CCDC102A: variants seen among roughly 807,000 people sequenced by gnomAD.
CCDC102A encodes the protein coiled-coil domain containing 102A.
CCDC102A carries 40 observed loss-of-function variants against 55.5 expected under a neutral mutation model. That is an observed-to-expected ratio of 0.72 (90% CI 0.56 to 0.94). CCDC102A has a LOEUF of 0.94. CCDC102A is among the 40% of genes least tolerant of loss of function. The pLI is 0.00. For synonymous variants in CCDC102A, 323 were observed against 339.0 expected (o/e 0.95, Z 0.52); for missense variants, 779 against 768.6 (o/e 1.01, Z -0.16).
At chr16:57,515,514 G>T in intron 7 of CCDC102A, 70 bp from the exon 8 acceptor site, 1 of 918,474 alleles carries the variant, frequency 1.1e-6, no homozygotes. Context: ...ACCCGCCCAG[G>T]GAAAACCACT....
rs1203845671 is a variant in CCDC102A, at chr16:57,536,464, T to TGGCCTGCCGCCCCCC, written c.-148+21_-148+35dup. On this transcript the variant is annotated intron_variant, in intron 1 of 8. Transcript: ENST00000258214. ...CCTGGAGCAAGTTCCCGGGCCGCCT[T>TGGCCTGCCGCCCCCC]GGCCTGCCGCCCCCCGGCCTGCCGC... 9 of 152,630 alleles carry TGGCCTGCCGCCCCCC rather than the reference T, an allele frequency of 5.9e-5. No homozygotes were observed. The East Asian group carries it at 1.2e-3, about 20-fold the overall frequency. 9.5% of individuals were successfully genotyped at this position (152,630 alleles called of 1,614,324 possible). A position where few individuals can be genotyped will look rare whatever the true frequency, so the allele number is the denominator to read the frequency against.
rs1362407393 is a variant in CCDC102A at position 57,528,669 on chromosome 16, G to A, written c.509C>T (p.Thr170Met). 60 of 1,144,872 alleles carry A rather than the reference G, an allele frequency of 5.2e-5. No individual in the cohort carries two copies. The highest frequency in any genetic ancestry group is 6.4e-5 in the Non-Finnish European group (59 of 928,344). 70.9% of individuals were successfully genotyped at this position (1,144,872 alleles called of 1,614,324 possible). A position where few individuals can be genotyped will look rare whatever the true frequency, so the allele number is the denominator to read the frequency against. The change falls in exon 2 of 9, where the codon ACG (threonine) becomes ATG (methionine). Residue 170 changes from threonine to methionine, a missense_variant. Physicochemically the swap from Thr to Met is moderately conservative, Grantham distance 81. Transcript: ENST00000258214. ...LRGARGVADQ[T>M]RDGPEPEAER... ...CGCTTCCGGCTCGGGGCCGTCGCGC[G>A]TCTGGTCGGCGACCCCCCGGGCGCC...
In CCDC102A at chr16:57,521,600, T is replaced by G. The variant is rs187007743; in HGVS notation, c.813-424A>C. On this transcript the variant is annotated intron_variant, in intron 3 of 8. Transcript: ENST00000258214. ...TGTCTGTTTTGTAGACTATGTTCCC[T>G]GCAAGGCTTGGTCTGAACACATGGT... Among the ~76,000 whole-genome samples, 1,068 of 152,334 alleles carry G rather than the reference T, an allele frequency of 7.0e-3. 3 individuals carry two copies. Among genetic ancestry groups the G allele is most frequent in the Non-Finnish European group, 0.012 (822 of 68,022 alleles).
chr16:57,518,411 C>T, intron 5 of CCDC102A, 134 bp from the exon 6 acceptor site: 1 of 891,298 alleles, frequency 1.1e-6, no homozygotes, highest in South Asian at 1.6e-5. Context: ...TGTAATTAAG[C>T]TGGGCTCATT....
intron 4 of CCDC102A, 137 bp downstream of exon 4, chr16:57,520,931 C>T (rs1167288529): frequency 7.8e-6 from 5 of 642,098 alleles, no homozygotes; most frequent in Non-Finnish European, 1.4e-5. Flanking sequence ...CAGAGCAAGA[C>T]TCTGTCTCAA....
At chr16:57,515,160 C>A (rs1374545789) in intron 8 of CCDC102A, among the ~76,000 whole-genome samples, 181 bp downstream of exon 8, 1 of 152,162 alleles carries the variant, frequency 6.6e-6, no homozygotes, top group Non-Finnish European at 1.5e-5. Flanking sequence ...ACTTCCTGCA[C>A]CCCCTGCCCT....
In CCDC102A at chr16:57,525,961, T is replaced by A; in HGVS notation, c.752A>T (p.Lys251Met). 6.2e-7 allele frequency: 1 copy of A among 1,612,550 alleles called. No homozygotes were observed. Among genetic ancestry groups the A allele is most frequent in the South Asian group, 1.1e-5 (1 of 90,982 alleles). The change falls in exon 3 of 9, where the codon AAG (lysine) becomes ATG (methionine). Residue 251 changes from lysine (K) to methionine (M), a missense_variant. Physicochemically the swap from Lys to Met is moderately conservative, Grantham distance 95. Transcript: ENST00000258214. ...DTAATEEEAS[K>M]LTALRLRLDE... Reference sequence around the variant, plus strand: ...CAGCCGTAGCCGCAGGGCGGTCAACTTGGAGGCCTCCTCCTCCGTGGCAGC... The same window carrying A: ...CAGCCGTAGCCGCAGGGCGGTCAACATGGAGGCCTCCTCCTCCGTGGCAGC...
chr16:57,526,321 C>G (rs1455388906), intron 2 of CCDC102A, among the ~76,000 whole-genome samples, 194 bp from the exon 3 acceptor site: 1 of 152,232 alleles, frequency 6.6e-6, no homozygotes, highest in Non-Finnish European at 1.5e-5. Context: ...CCTCCTGGAG[C>G]TGCAGAGTGT....
At chr16:57,528,552 C>A in intron 2 of CCDC102A, 41 bp downstream of exon 2, 1 of 1,178,838 alleles carries the variant, frequency 8.5e-7, no homozygotes, top group African/African-American at 1.6e-5. Flanking sequence ...GCCCCGCCCA[C>A]TTCGAGACTG....
At chr16:57,518,322 A>AT in intron 5 of CCDC102A, 45 bp from the exon 6 acceptor site, 1 of 1,576,532 alleles carries the variant, frequency 6.3e-7, no homozygotes, top group Non-Finnish European at 8.6e-7. Context: ...CGGAGGGGGC[A>AT]TGCAGGGCCT....
chr16:57,522,110 G>A (rs1166017099), intron 3 of CCDC102A, among the ~76,000 whole-genome samples: 2 of 152,246 alleles, frequency 1.3e-5, no homozygotes, highest in African/African-American at 4.8e-5. Flanking sequence ...ATTGCTCGGG[G>A]TAGAGATGAT....
chr16:57,514,041 C>T (rs1288722203), intron 8 of CCDC102A, among the ~76,000 whole-genome samples: 4 of 152,132 alleles, frequency 2.6e-5, no homozygotes, highest in African/African-American at 9.7e-5. Flanking sequence ...TGCCAGCCCC[C>T]TAGGAAAAAA....
chr16:57,518,948 C>G (rs2032003716), intron 4 of CCDC102A, among the ~76,000 whole-genome samples: 1 of 152,180 alleles, frequency 6.6e-6, no homozygotes, highest in South Asian at 2.1e-4. Flanking sequence ...GTCTAGCCTC[C>G]CAGTGTCTAC....
chr16:57,528,664 C>G lies in CCDC102A; in HGVS notation c.514G>C (p.Asp172His), dbSNP rs753728439. The stretch of plus-strand genomic sequence containing the variant: ...CGCTCCGCTTCCGGCTCGGGGCCGT[C>G]GCGCGTCTGGTCGGCGACCCCCCGG... ...GARGVADQTRDGPEPEAEREP... is the reference protein window; with the variant it reads ...GARGVADQTRHGPEPEAEREP... The change falls in exon 2 of 9, where the codon GAC becomes CAC. Residue 172 changes from aspartate (D) to histidine (H), a missense_variant. By Grantham distance (81) the Asp-to-His change is moderately conservative. Coordinates refer to ENST00000258214, the MANE Select transcript of CCDC102A (RefSeq NM_033212.4). 101 of 1,154,828 alleles carry G rather than the reference C, an allele frequency of 8.7e-5. No homozygotes were observed. The highest frequency in any genetic ancestry group is 1.0e-4 in the Non-Finnish European group (97 of 934,608). 71.5% of individuals were successfully genotyped at this position (1,154,828 alleles called of 1,614,324 possible).
In CCDC102A at chr16:57,516,272, C is replaced by T. The variant is rs1186525217; in HGVS notation, c.1419+21G>A. The T allele has an allele frequency of 1.3e-6, 2 of 1,598,926 alleles. No individual in the cohort carries two copies. The highest frequency in any genetic ancestry group is 1.7e-6 in the Non-Finnish European group (2 of 1,177,710). On this transcript the variant is annotated intron_variant, in intron 7 of 8. Coordinates refer to ENST00000258214, the MANE Select transcript of CCDC102A (RefSeq NM_033212.4). The surrounding 1 kb of genome is among the most constrained non-coding windows in gnomAD (Gnocchi z 4.4). Reference sequence around the variant, plus strand: ...CCCTGGCCAAGGTCTGTTGCTGCCCCTGCCCCTCTGTGGTCCTCACCTCGT... The same window carrying T: ...CCCTGGCCAAGGTCTGTTGCTGCCCTTGCCCCTCTGTGGTCCTCACCTCGT...
rs1317169175 is a variant in CCDC102A at position 57,518,086 on chromosome 16, C to T, written c.1230G>A (p.Ala410=). ...LDCDLRASQA[A]LFEKNKELAD... ...GCCCCACCTTGTTCTTCTCGAAGAG[C>T]GCGGCCTGGCTGGCCCTCAGGTCGC... is the stretch of plus-strand genomic sequence containing the variant. Residue 410 remains alanine, a synonymous_variant, in exon 6 of 9, where the codon GCG becomes GCA. Coordinates refer to ENST00000258214, the MANE Select transcript of CCDC102A (RefSeq NM_033212.4). 10 of 1,602,634 alleles carry T rather than the reference C, an allele frequency of 6.2e-6. No individual in the cohort carries two copies. The East Asian group carries it at 6.7e-5, about 11-fold the overall frequency.
chr16:57,519,542 C>T (rs868140074), intron 4 of CCDC102A, among the ~76,000 whole-genome samples: 5 of 152,308 alleles, frequency 3.3e-5, no homozygotes, highest in Middle Eastern at 3.4e-3. Flanking sequence ...ACATTTCTTG[C>T]GGTATACAGC....
intron 8 of CCDC102A, among the ~76,000 whole-genome samples, chr16:57,514,029 TC>T (rs2031911703): frequency 6.6e-6 from 1 of 152,204 alleles, no homozygotes; most frequent in African/African-American, 2.4e-5. Context: ...AGTTTCCTCA[TC>T]TGCCAGCCCC....
At chr16:57,512,990 C>G in intron 8 of CCDC102A, 120 bp from the exon 9 acceptor site, 2 of 743,426 alleles carry the variant, frequency 2.7e-6, no homozygotes, top group Non-Finnish European at 4.4e-6. Context: ...TGTCTCATCT[C>G]CTGTAATCTC....
Sources: allele counts gnomAD v4.1 joint callset (sites outside exome capture counted in the v4.1 genomes callset), GRCh38; gene constraint gnomAD v4.1.1; non-coding constraint Gnocchi (gnomAD v3.1); transcripts MANE v1.5; gene names NCBI Gene and HGNC (gene_info 2026-07-23, HGNC 2026-07-21).